Variants in TMTC2 observed in about 807,000 individuals in gnomAD.
TMTC2 encodes transmembrane O-mannosyltransferase targeting cadherins 2, also known as protein O-mannosyl-transferase TMTC2.
Under a neutral mutation model 82.4 loss-of-function variants are expected in TMTC2, and 43 were observed. The observed-to-expected ratio is 0.52, with a 90% CI of 0.41 to 0.67. The LOEUF (loss-of-function observed/expected upper bound fraction) is 0.67, where lower values mean the gene tolerates loss of function less well. Ranked by LOEUF, TMTC2 falls within the 30% of genes least tolerant of loss-of-function variation. The pLI, the probability that TMTC2 is intolerant of heterozygous loss-of-function variation, is 0.00. For synonymous variants in TMTC2, 408 were observed against 381.9 expected (o/e 1.07, Z -0.80); for missense variants, 919 against 1,012.4 (o/e 0.91, Z 1.25).
chr12:83,117,896 T>TTTTATTTA (rs3069105), intron 11 of TMTC2, among the ~76,000 whole-genome samples: 1,562 of 149,056 alleles, frequency 0.01, 20 homozygotes, highest in East Asian at 0.053. Flanking sequence ...TTCCTAAGTA[T>TTTTATTTA]TTTATTTATT....
rs1878166854 is a variant in TMTC2 at position 82,965,672 on chromosome 12, T to A, written c.1797T>A (p.His599Gln). The A allele has an allele frequency of 6.2e-7, 1 of 1,613,764 alleles. No homozygotes were observed. Among genetic ancestry groups the A allele is most frequent in the Non-Finnish European group, 8.5e-7 (1 of 1,179,832 alleles). The change falls in exon 6 of 12, where the codon CAT (histidine) becomes CAA (glutamine). Residue 599 changes from histidine (H) to glutamine (Q), a missense_variant. Transcript: ENST00000321196. The part of the protein sequence containing the change: ...EIPDENLKDP[H>Q]AHKSSVTSCL... ...CAGATGAAAACCTAAAGGACCCTCATGCACACAAGAGCTCTGTTACCAGTT... is the reference window on the plus strand; with the variant it reads ...CAGATGAAAACCTAAAGGACCCTCAAGCACACAAGAGCTCTGTTACCAGTT...
chr12:83,098,655 A>G (rs1884111381), intron 11 of TMTC2, among the ~76,000 whole-genome samples: 1 of 152,328 alleles, frequency 6.6e-6, no homozygotes, highest in East Asian at 1.9e-4. Context: ...CACAAGTTTT[A>G]TCGGAAACCA....
At position 82,868,723 on chromosome 12, in the gene TMTC2, A is replaced by G. The variant is rs74106150; in HGVS notation, c.654+11143A>G. ...TCTTTTTTTTTTTTTTTGAAAAAAAAAGGGAGGCACTATTATCATCTAAAG... is the reference window on the plus strand; with the variant it reads ...TCTTTTTTTTTTTTTTTGAAAAAAAGAGGGAGGCACTATTATCATCTAAAG... On this transcript the variant is annotated intron_variant, in intron 2 of 11. Transcript: ENST00000321196. 3.2e-3 allele frequency among the ~76,000 whole-genome samples: 477 copies of G among 150,756 alleles called. 3 individuals are homozygous for G. Among genetic ancestry groups the G allele is most frequent in the African/African-American group, 0.011 (450 of 41,014 alleles).
At chr12:83,045,030 T>C (rs1882035876) in intron 9 of TMTC2, among the ~76,000 whole-genome samples, 1 of 152,204 alleles carries the variant, frequency 6.6e-6, no homozygotes, top group Non-Finnish European at 1.5e-5. Flanking sequence ...CTTGTCATAT[T>C]GAAATGTTGG....
At chr12:82,744,143 C>A (rs760793432) in intron 1 of TMTC2, among the ~76,000 whole-genome samples, 1 of 151,968 alleles carries the variant, frequency 6.6e-6, no homozygotes, top group African/African-American at 2.4e-5. Context: ...AATTAGCAGC[C>A]GGGCACGGTG....
intron 2 of TMTC2, among the ~76,000 whole-genome samples, chr12:82,863,054 G>T (rs1420451929): frequency 6.6e-6 from 1 of 152,076 alleles, no homozygotes; most frequent in Non-Finnish European, 1.5e-5. Context: ...ATCCACATGT[G>T]CTTTTTCCGT....
chr12:83,127,069 T>A (rs867433510), intron 11 of TMTC2, among the ~76,000 whole-genome samples: 55 of 152,254 alleles, frequency 3.6e-4, no homozygotes, highest in African/African-American at 1.2e-3. Context: ...AGTTATTTGA[T>A]AGCTACTTTA....
At chr12:82,981,574 C>T (rs778705663) in intron 7 of TMTC2, among the ~76,000 whole-genome samples, 1 of 151,802 alleles carries the variant, frequency 6.6e-6, no homozygotes, top group African/African-American at 2.4e-5. Flanking sequence ...TATGAAAGTA[C>T]CTTTATTATG....
intron 3 of TMTC2, among the ~76,000 whole-genome samples, chr12:82,918,074 T>A (rs1875122725): frequency 6.6e-6 from 1 of 152,112 alleles, no homozygotes; most frequent in Admixed American, 6.5e-5. Context: ...TGCATCACCA[T>A]GTCTGGCTAA....
rs936823585 is a variant in TMTC2, at chr12:82,963,463, T to A, written c.1599-1561T>A. Reference sequence around the variant, plus strand: ...AGGGAGATGCACCTCTTTATCTGAATTTTTTTTTTCTTTATCTGAATTTTA... The same window carrying A: ...AGGGAGATGCACCTCTTTATCTGAAATTTTTTTTTCTTTATCTGAATTTTA... On this transcript the variant is annotated intron_variant, in intron 4 of 11. Coordinates refer to ENST00000321196, the MANE Select transcript of TMTC2 (RefSeq NM_152588.3). 3.4e-5 allele frequency among the ~76,000 whole-genome samples: 5 copies of A among 147,392 alleles called. No individual in the cohort carries two copies. In the South Asian group the frequency reaches 1.1e-3, roughly 31 times the overall value.
intron 11 of TMTC2, among the ~76,000 whole-genome samples, chr12:83,128,037 A>T (rs1330156253): frequency 6.6e-6 from 1 of 152,162 alleles, no homozygotes; most frequent in Non-Finnish European, 1.5e-5. Context: ...CCTGTGAAGT[A>T]GGAGATGGTG....
chr12:82,954,218 T>C (rs994546343), intron 4 of TMTC2, among the ~76,000 whole-genome samples: 8 of 152,204 alleles, frequency 5.3e-5, no homozygotes, highest in African/African-American at 1.9e-4. Flanking sequence ...TGAGTTTTCG[T>C]ACACATGGCT....
At chr12:82,899,346 C>T (rs1873843059) in intron 3 of TMTC2, among the ~76,000 whole-genome samples, 1 of 151,810 alleles carries the variant, frequency 6.6e-6, no homozygotes, top group Non-Finnish European at 1.5e-5. Flanking sequence ...CCTGCCTCCT[C>T]TTTTCCCTTC....
At chr12:82,981,529 T>A (rs1327637674) in intron 7 of TMTC2, among the ~76,000 whole-genome samples, 1 of 151,968 alleles carries the variant, frequency 6.6e-6, no homozygotes, top group Non-Finnish European at 1.5e-5. Context: ...ATGAACCTGA[T>A]CATTCTATCA....
At chr12:82,825,854 GCACA>G (rs113069531) in intron 1 of TMTC2, among the ~76,000 whole-genome samples, 41 of 147,590 alleles carry the variant, frequency 2.8e-4, no homozygotes, top group Non-Finnish European at 4.4e-4. Context: ...GATAGGGAAA[GCACA>G]CACACACACA....
chr12:82,687,768 A>G (rs1287393064), intron 1 of TMTC2, 99 bp downstream of exon 1: 1 of 1,186,018 alleles, frequency 8.4e-7, no homozygotes, highest in Non-Finnish European at 1.2e-6. Context: ...TCTTGGAGGA[A>G]CTGGTTCAGC....
chr12:83,088,498 G>A (rs1429363701), intron 11 of TMTC2, among the ~76,000 whole-genome samples: 2 of 152,158 alleles, frequency 1.3e-5, no homozygotes, highest in Non-Finnish European at 2.9e-5. Context: ...AACGAGAGAT[G>A]TGCAACTCTT....
intron 1 of TMTC2, chr12:82,760,949 A>C (rs1440285243): frequency 4.3e-6 from 1 of 230,308 alleles, no homozygotes; most frequent in Non-Finnish European, 8.6e-6. Context: ...GAATTGTATA[A>C]TTATTTTATT....
chr12:82,949,812 C>G (rs896494212), intron 4 of TMTC2, among the ~76,000 whole-genome samples: 2 of 152,134 alleles, frequency 1.3e-5, no homozygotes, highest in Non-Finnish European at 2.9e-5. Flanking sequence ...TCTTATCTCA[C>G]TGGCAACCAC....
Sources: gnomAD v4.1 joint callset for allele counts (sites outside exome capture counted in the v4.1 genomes callset) on GRCh38, gnomAD v4.1.1 for gene constraint, MANE v1.5 for transcripts, NCBI Gene and HGNC (gene_info 2026-07-23, HGNC 2026-07-21) for gene names.